TAFA5: variants seen among roughly 807,000 people sequenced by gnomAD.
TAFA5 encodes chemokine-like protein TAFA-5.
Under a neutral mutation model 15.3 loss-of-function variants are expected in TAFA5, and 6 were observed. The observed-to-expected ratio is 0.39, with a 90% CI of 0.21 to 0.77. The LOEUF (loss-of-function observed/expected upper bound fraction) is 0.77. Among genes scored for constraint, TAFA5 ranks in the 30% least tolerant of loss-of-function variants. The pLI, the probability that TAFA5 is intolerant of heterozygous loss-of-function variation, is 0.41. For missense variants in TAFA5, 161 were observed against 193.1 expected, an observed-to-expected ratio of 0.83 and a Z score of 0.98; for synonymous variants, 103 against 80.7, an observed-to-expected ratio of 1.28 and a Z score of -1.48.
chr22:48,554,839 C>G (rs1922975060), intron 1 of TAFA5, among the ~76,000 whole-genome samples: 1 of 152,218 alleles, frequency 6.6e-6, no homozygotes, highest in Non-Finnish European at 1.5e-5. Flanking sequence ...AGTGTCAGAG[C>G]TTGCAGGAGT....
chr22:48,613,687 C>A (rs1016381010), intron 1 of TAFA5, among the ~76,000 whole-genome samples: 1 of 152,224 alleles, frequency 6.6e-6, no homozygotes, highest in Admixed American at 6.5e-5. Flanking sequence ...CTTGGCTCCA[C>A]CTGCTCTGGC....
At chr22:48,673,346 C>G (rs1291709033) in intron 2 of TAFA5, among the ~76,000 whole-genome samples, 1 of 152,196 alleles carries the variant, frequency 6.6e-6, no homozygotes, top group East Asian at 1.9e-4. Context: ...CAGTTTTCAG[C>G]TCGCTCCTCT....
At chr22:48,576,986 C>T (rs1923835042) in intron 1 of TAFA5, among the ~76,000 whole-genome samples, 1 of 152,102 alleles carries the variant, frequency 6.6e-6, no homozygotes, top group African/African-American at 2.4e-5. Context: ...GGGAGCGGAG[C>T]TGGGACCCGC....
intron 1 of TAFA5, among the ~76,000 whole-genome samples, chr22:48,510,227 A>C (rs1160584247): frequency 1.3e-5 from 2 of 152,348 alleles, no homozygotes; most frequent in East Asian, 3.9e-4. Context: ...TCTGCACAGC[A>C]AAGGGAACAG....
At chr22:48,521,827 C>T (rs1047263862) in intron 1 of TAFA5, among the ~76,000 whole-genome samples, 1 of 152,180 alleles carries the variant, frequency 6.6e-6, no homozygotes, top group Non-Finnish European at 1.5e-5. Flanking sequence ...GGGCTCTCTG[C>T]GTTCACCTGG....
chr22:48,494,669 C>A (rs1185917145), intron 1 of TAFA5, among the ~76,000 whole-genome samples: 1 of 152,156 alleles, frequency 6.6e-6, no homozygotes, highest in Non-Finnish European at 1.5e-5. Context: ...TCTGTGGAGG[C>A]CCTGGATAGG....
At chr22:48,645,643 G>C (rs976269176) in intron 1 of TAFA5, among the ~76,000 whole-genome samples, 1 of 152,116 alleles carries the variant, frequency 6.6e-6, no homozygotes, top group Admixed American at 6.5e-5. Context: ...GGGAGCAGAG[G>C]TGGTGTGACA....
intron 1 of TAFA5, among the ~76,000 whole-genome samples, chr22:48,609,202 C>A (rs1020216755): frequency 5.3e-5 from 8 of 152,214 alleles, no homozygotes; most frequent in South Asian, 2.1e-4. Flanking sequence ...AAATGCACGT[C>A]TCCCAGCTCA....
intron 2 of TAFA5, among the ~76,000 whole-genome samples, chr22:48,682,732 G>A (rs533565840): frequency 2.6e-4 from 39 of 152,304 alleles, no homozygotes; most frequent in African/African-American, 8.9e-4. Context: ...AGTCATTGTC[G>A]CTGAATTGAC....
At chr22:48,719,728 T>C (rs1182017526) in intron 3 of TAFA5, among the ~76,000 whole-genome samples, 10 of 152,242 alleles carry the variant, frequency 6.6e-5, no homozygotes, top group Non-Finnish European at 1.5e-4. Context: ...ACTAAGTCAT[T>C]ACTCTGCTCC....
rs932493159 is a variant in TAFA5 at position 48,711,928 on chromosome 22, C to T, written c.390+4084C>T. 4.6e-5 allele frequency among the ~76,000 whole-genome samples: 7 copies of T among 152,260 alleles called. No homozygotes were observed. In the South Asian group the frequency reaches 1.0e-3, roughly 22 times the overall value. The stretch of plus-strand genomic sequence containing the variant: ...CAGAGTGTGGGTCGCCTAGCACGGG[C>T]GCTGGGCCTAAGGGTGCTGCTGCCC... On this transcript the variant is annotated intron_variant, in intron 3 of 3. Transcript: ENST00000402357.
intron 1 of TAFA5, chr22:48,544,767 G>A: frequency 2.1e-6 from 1 of 471,268 alleles, no homozygotes; most frequent in Non-Finnish European, 4.4e-6. Flanking sequence ...TGGAGAAATT[G>A]TTGAGTTCTG....
chr22:48,577,297 G>A (rs1476472940), intron 1 of TAFA5, among the ~76,000 whole-genome samples: 1 of 152,206 alleles, frequency 6.6e-6, no homozygotes, highest in Non-Finnish European at 1.5e-5. Flanking sequence ...TCCCCTGATG[G>A]GCGGTCGGTC....
intron 2 of TAFA5, among the ~76,000 whole-genome samples, chr22:48,658,455 T>G (rs1228186813): frequency 1.3e-5 from 2 of 152,198 alleles, no homozygotes; most frequent in East Asian, 3.9e-4. Flanking sequence ...ATATGGGTTA[T>G]TTTTCAGCAT....
At chr22:48,704,962 TG>T (rs1469065502) in intron 2 of TAFA5, among the ~76,000 whole-genome samples, 1 of 151,420 alleles carries the variant, frequency 6.6e-6, no homozygotes, top group Non-Finnish European at 1.5e-5. Context: ...TGCAGGGGGC[TG>T]GGGAGGGGAG....
chr22:48,490,006 G>A lies in TAFA5; in HGVS notation c.112+302G>A, dbSNP rs1278519215. Among the ~76,000 whole-genome samples the A allele has an allele frequency of 1.3e-5, 2 of 151,914 alleles. No individual in the cohort carries two copies. The highest frequency in any genetic ancestry group is 6.6e-5 in the Admixed American group (1 of 15,260). On this transcript the variant is annotated intron_variant, in intron 1 of 3. Coordinates refer to ENST00000402357, the MANE Select transcript of TAFA5 (RefSeq NM_001082967.3). The surrounding 1 kb of genome is among the most constrained non-coding windows in gnomAD (Gnocchi z 5.8). Reference sequence around the variant, plus strand: ...CGCGGCCCGTCCCTGCCCGGCGGTCGGAGCCCAGCCAGCGGCTTCCCGGCC... The same window carrying A: ...CGCGGCCCGTCCCTGCCCGGCGGTCAGAGCCCAGCCAGCGGCTTCCCGGCC...
At chr22:48,580,376 T>G (rs1394745640) in intron 1 of TAFA5, among the ~76,000 whole-genome samples, 1 of 152,232 alleles carries the variant, frequency 6.6e-6, no homozygotes, top group African/African-American at 2.4e-5. Context: ...ATCTGTTAGA[T>G]GGATCAGTTT....
chr22:48,689,071 C>T (rs1362994122), intron 2 of TAFA5, among the ~76,000 whole-genome samples: 1 of 151,866 alleles, frequency 6.6e-6, no homozygotes, highest in Non-Finnish European at 1.5e-5. Context: ...CATGAAATGG[C>T]CTATGTATGT....
intron 2 of TAFA5, among the ~76,000 whole-genome samples, chr22:48,662,238 T>A (rs9617487): frequency 0.17 from 25,311 of 151,716 alleles, 2,585 homozygotes; most frequent in Non-Finnish European, 0.23. Context: ...GGCTTGGAGG[T>A]TGGCATGGTG....
Sources: gnomAD v4.1 joint callset for allele counts (sites outside exome capture counted in the v4.1 genomes callset) on GRCh38, gnomAD v4.1.1 for gene constraint, Gnocchi (gnomAD v3.1) non-coding constraint, MANE v1.5 for transcripts, NCBI Gene and HGNC (gene_info 2026-07-23, HGNC 2026-07-21) for gene names.